The following MAPK10 variants were observed in gnomAD, a reference collection of about 807,000 sequenced individuals.
MAPK10 encodes JNK3 alpha protein kinase.
A neutral mutation model predicts 59.3 loss-of-function variants in MAPK10; 25 were observed. The observed-to-expected ratio is 0.42, with a 90% CI of 0.31 to 0.59. The LOEUF (loss-of-function observed/expected upper bound fraction) is 0.59. MAPK10 is among the 20% of genes least tolerant of loss of function. The pLI is 0.15. For missense variants in MAPK10, 351 were observed against 568.9 expected (o/e 0.62, Z 3.90); for synonymous variants, 190 against 200.5 (o/e 0.95, Z 0.44).
chr4:86,262,106 G>C (rs1388028807), intron 2 of MAPK10, among the ~76,000 whole-genome samples: 1 of 152,194 alleles, frequency 6.6e-6, no homozygotes, highest in Non-Finnish European at 1.5e-5. Context: ...TCCTGTGTTG[G>C]AAACTTAATT....
At chr4:86,497,795 A>C (rs1754986870) in intron 1 of MAPK10, among the ~76,000 whole-genome samples, 1 of 152,174 alleles carries the variant, frequency 6.6e-6, no homozygotes, top group South Asian at 2.1e-4. Context: ...ATACGCTAAC[A>C]ATCAGCACTT....
chr4:86,344,300 C>T (rs771392021), intron 2 of MAPK10, among the ~76,000 whole-genome samples: 35 of 152,112 alleles, frequency 2.3e-4, no homozygotes, highest in Non-Finnish European at 4.4e-4. Flanking sequence ...CTAATTTTTT[C>T]GTAGAGTCAG....
In MAPK10 at chr4:86,016,952, A is replaced by G; in HGVS notation, c.*276T>C. The G allele has an allele frequency of 3.3e-6, 1 of 300,150 alleles. No individual in the cohort carries two copies. The highest frequency in any genetic ancestry group is 6.3e-6 in the Non-Finnish European group (1 of 159,020). 18.6% of individuals were successfully genotyped at this position (300,150 alleles called of 1,614,324 possible). On this transcript the variant is annotated 3_prime_UTR_variant, in exon 14 of 14. Transcript: ENST00000641462. The stretch of plus-strand genomic sequence containing the variant: ...TACACTTTATGGAAAAGGCTTCTCT[A>G]ATTGTGTCTGATTTGCTTTCTGTAG...
chr4:86,548,797 A>G lies in MAPK10; in HGVS notation c.-263+45113T>C, dbSNP rs1759509634. ...TGATTTTGAGATTCCACTAGACCACAACTTGCACACTATGAACAATAAGAC... is the reference window on the plus strand; with the variant it reads ...TGATTTTGAGATTCCACTAGACCACGACTTGCACACTATGAACAATAAGAC... On this transcript the variant is annotated intron_variant, in intron 1 of 4. Transcript: ENST00000502302. Among the ~76,000 whole-genome samples the G allele has an allele frequency of 2.6e-5, 4 of 152,148 alleles. No individual in the cohort carries two copies. In the South Asian group the frequency reaches 8.3e-4, roughly 32 times the overall value.
intron 13 of MAPK10, chr4:86,023,812 A>AATAT (rs368982706): frequency 0.015 from 1,549 of 100,274 alleles, 28 homozygotes; most frequent in African/African-American, 0.03. Flanking sequence ...AGATCAAATG[A>AATAT]ATATATATAT....
At chr4:86,363,544 T>C (rs1737332346), upstream of MAPK10, among the ~76,000 whole-genome samples, 2 of 152,206 alleles carry the variant, frequency 1.3e-5, no homozygotes, top group African/African-American at 2.4e-5. Context: ...TAATTGTACA[T>C]ATTTATGGAG....
chr4:86,322,913 G>A (rs1193949903), intron 2 of MAPK10, among the ~76,000 whole-genome samples: 2 of 152,184 alleles, frequency 1.3e-5, no homozygotes, highest in South Asian at 2.1e-4. Context: ...CGAGCTTCAC[G>A]CCTGTAATCC....
At chr4:86,167,516 C>A (rs1324379507) in intron 3 of MAPK10, among the ~76,000 whole-genome samples, 3 of 152,148 alleles carry the variant, frequency 2.0e-5, no homozygotes, top group Non-Finnish European at 4.4e-5. Flanking sequence ...AAAGCTTATC[C>A]TACACAATCG....
intron 2 of MAPK10, among the ~76,000 whole-genome samples, chr4:86,261,896 C>T (rs556295785): frequency 3.7e-4 from 56 of 152,346 alleles, no homozygotes; most frequent in African/African-American, 9.6e-4. Flanking sequence ...CATGCACTGC[C>T]GTGAGGGCTA....
intron 1 of MAPK10, among the ~76,000 whole-genome samples, chr4:86,376,778 C>T (rs1458685620): frequency 6.6e-6 from 1 of 152,136 alleles, no homozygotes; most frequent in African/African-American, 2.4e-5. Context: ...TGAAGAAGAA[C>T]ACATTCTGAC....
intron 1 of MAPK10, among the ~76,000 whole-genome samples, chr4:86,391,148 A>T (rs995574798): frequency 2.0e-5 from 3 of 152,250 alleles, no homozygotes; most frequent in Non-Finnish European, 4.4e-5. Flanking sequence ...CATCATTTAC[A>T]TTCAATCCTA....
intron 2 of MAPK10, among the ~76,000 whole-genome samples, chr4:86,231,227 T>C (rs755886051): frequency 2.0e-5 from 3 of 152,194 alleles, no homozygotes; most frequent in Non-Finnish European, 4.4e-5. Context: ...TGGGTAGAAG[T>C]AGAATTAACA....
At chr4:86,577,226 G>T (rs759231213) in intron 1 of MAPK10, among the ~76,000 whole-genome samples, 4 of 152,040 alleles carry the variant, frequency 2.6e-5, no homozygotes, top group Non-Finnish European at 4.4e-5. Flanking sequence ...TAGGAGGATT[G>T]CTTGAGCCTG....
chr4:86,541,631 A>T (rs1758701968), intron 1 of MAPK10, among the ~76,000 whole-genome samples: 1 of 151,896 alleles, frequency 6.6e-6, no homozygotes, highest in Non-Finnish European at 1.5e-5. Flanking sequence ...ATTTAAAGAA[A>T]CTCTGTACTC....
At chr4:86,262,396 C>T (rs2094026828) in intron 2 of MAPK10, among the ~76,000 whole-genome samples, 1 of 152,130 alleles carries the variant, frequency 6.6e-6, no homozygotes, top group Admixed American at 6.5e-5. Context: ...GTTTCCAGTA[C>T]CCTGTTGTAG....
chr4:86,494,621 G>A (rs1354673650), intron 1 of MAPK10, among the ~76,000 whole-genome samples: 3 of 151,756 alleles, frequency 2.0e-5, no homozygotes, highest in African/African-American at 4.8e-5. Context: ...TGAGGCGGGC[G>A]GATCACGAGG....
intron 11 of MAPK10, among the ~76,000 whole-genome samples, chr4:86,043,523 A>G (rs1484440803): frequency 1.3e-5 from 2 of 152,188 alleles, no homozygotes; most frequent in Admixed American, 1.3e-4. Context: ...TAAAGCTATA[A>G]GTCATACTTC....
chr4:86,035,064 A>C (rs2039927814), intron 11 of MAPK10, among the ~76,000 whole-genome samples: 1 of 152,102 alleles, frequency 6.6e-6, no homozygotes, highest in Non-Finnish European at 1.5e-5. Flanking sequence ...GGTCAGACAA[A>C]GGGTGGATCA....
intron 2 of MAPK10, among the ~76,000 whole-genome samples, chr4:86,214,525 A>AAAC (rs1554099619): frequency 5.5e-5 from 8 of 146,416 alleles, no homozygotes; most frequent in African/African-American, 2.2e-4. Context: ...AAAAAAAAAA[A>AAAC]AAAAAAAAAA....
Sources: gnomAD v4.1 joint callset for allele counts (sites outside exome capture counted in the v4.1 genomes callset) on GRCh38, gnomAD v4.1.1 for gene constraint, MANE v1.5 for transcripts, NCBI Gene and HGNC (gene_info 2026-07-23, HGNC 2026-07-21) for gene names.